EFCAB11: variants seen among roughly 807,000 people sequenced by gnomAD.
EFCAB11 encodes the protein EF-hand calcium-binding domain-containing protein 11.
In EFCAB11, 14 loss-of-function variants were observed where a neutral mutation model predicts 23.0. That is an observed-to-expected ratio of 0.61 (90% CI 0.40 to 0.95). The LOEUF is 0.95. EFCAB11 is among the 40% of genes least tolerant of loss of function. The pLI is 0.00. For missense variants in EFCAB11, 198 were observed against 195.8 expected (o/e 1.01, Z -0.07); for synonymous variants, 65 against 66.6 (o/e 0.98, Z 0.11).
At chr14:89,949,382 G>A (rs530266170) in intron 3 of EFCAB11, among the ~76,000 whole-genome samples, 1 of 151,852 alleles carries the variant, frequency 6.6e-6, no homozygotes, top group Non-Finnish European at 1.5e-5. Flanking sequence ...TATTTATTTG[G>A]AGACAGAGTT....
chr14:89,925,655 T>TTTTTTC (rs1890168597), intron 5 of EFCAB11, among the ~76,000 whole-genome samples: 1 of 150,546 alleles, frequency 6.6e-6, no homozygotes, highest in South Asian at 2.1e-4. Context: ...TTTCTTTTTT[T>TTTTTTC]TTTTTTTTGA....
chr14:89,858,193 G>A (rs552157560), intron 5 of EFCAB11, among the ~76,000 whole-genome samples: 1 of 152,324 alleles, frequency 6.6e-6, no homozygotes, highest in South Asian at 2.1e-4. Context: ...CACTCAAGCT[G>A]CCCTGATGAC....
At chr14:89,895,638 C>G (rs1889128977) in intron 5 of EFCAB11, among the ~76,000 whole-genome samples, 1 of 152,192 alleles carries the variant, frequency 6.6e-6, no homozygotes, top group Non-Finnish European at 1.5e-5. Context: ...ACGCCCTATT[C>G]ATAAATCAAT....
At chr14:89,892,006 C>T in intron 5 of EFCAB11, 2 of 1,516,464 alleles carry the variant, frequency 1.3e-6, no homozygotes, top group Non-Finnish European at 1.8e-6. Flanking sequence ...ACACCGCGGG[C>T]CACGAGCGCT....
chr14:89,939,072 T>C (rs1420059959), intron 3 of EFCAB11, among the ~76,000 whole-genome samples: 1 of 151,846 alleles, frequency 6.6e-6, no homozygotes, highest in Non-Finnish European at 1.5e-5. Context: ...TTTTTTATTA[T>C]ACACATCTCC....
Position 89,862,310 on chromosome 14 carries a change from G to A in EFCAB11, c.411-64986C>T, listed in dbSNP as rs1329240705. On this transcript the variant is annotated intron_variant, in intron 5 of 5. Transcript: ENST00000316738. ...GTAATAATAGAAACAGATACTAAAA[G>A]CATTTTTTTTTATTAGAAAAACCAC... Among the ~76,000 whole-genome samples, 3 of 151,602 alleles carry A rather than the reference G, an allele frequency of 2.0e-5. No homozygotes were observed. In the East Asian group the frequency reaches 5.8e-4, roughly 29 times the overall value.
At chr14:89,797,740 A>G (rs978575820) in intron 5 of EFCAB11, among the ~76,000 whole-genome samples, 1 of 152,128 alleles carries the variant, frequency 6.6e-6, no homozygotes, top group Admixed American at 6.5e-5. Context: ...TAGACCAGCC[A>G]GGCCAACATG....
chr14:89,803,364 G>A (rs2140078392), intron 5 of EFCAB11, among the ~76,000 whole-genome samples: 1 of 152,312 alleles, frequency 6.6e-6, no homozygotes, highest in South Asian at 2.1e-4. Flanking sequence ...CCACTGGAGA[G>A]GCAAACTCTT....
At chr14:89,937,228 G>A (rs948283317) in intron 3 of EFCAB11, among the ~76,000 whole-genome samples, 4 of 152,068 alleles carry the variant, frequency 2.6e-5, no homozygotes, top group Admixed American at 6.5e-5. Flanking sequence ...TCTTTTTTCA[G>A]CTGTAGGAAA....
chr14:89,879,967 A>G (rs1464439594), intron 5 of EFCAB11, among the ~76,000 whole-genome samples: 1 of 152,206 alleles, frequency 6.6e-6, no homozygotes, highest in Non-Finnish European at 1.5e-5. Flanking sequence ...AATGCCAAAT[A>G]TATGTGTGGG....
intron 5 of EFCAB11, among the ~76,000 whole-genome samples, chr14:89,908,231 A>G (rs917905060): frequency 2.0e-5 from 3 of 152,240 alleles, no homozygotes; most frequent in African/African-American, 7.2e-5. Flanking sequence ...ATGAATAAGC[A>G]GTGAGAGCTA....
chr14:89,822,492 A>T (rs1358386950), intron 5 of EFCAB11, among the ~76,000 whole-genome samples: 1 of 152,066 alleles, frequency 6.6e-6, no homozygotes, highest in Non-Finnish European at 1.5e-5. Context: ...TGGTCCTCCC[A>T]CCCCACCCTT....
chr14:89,892,081 A>G, intron 5 of EFCAB11: 7 of 1,543,816 alleles, frequency 4.5e-6, no homozygotes, highest in Non-Finnish European at 6.1e-6. Context: ...TTGATGTGAC[A>G]AACAGGAAGT....
intron 3 of EFCAB11, among the ~76,000 whole-genome samples, chr14:89,933,358 T>G (rs1172716390): frequency 6.6e-6 from 1 of 152,234 alleles, no homozygotes; most frequent in Admixed American, 6.5e-5. Context: ...TGAACTGAGC[T>G]CTACATATAT....
chr14:89,885,503 C>T (rs9671681), intron 5 of EFCAB11, among the ~76,000 whole-genome samples: 127 of 151,842 alleles, frequency 8.4e-4, no homozygotes, highest in African/African-American at 3.0e-3. Flanking sequence ...ATGGTGAAAC[C>T]CCATCTCTAC....
intron 5 of EFCAB11, among the ~76,000 whole-genome samples, chr14:89,920,122 C>G (rs1198605999): frequency 6.6e-6 from 1 of 152,166 alleles, no homozygotes; most frequent in Admixed American, 6.5e-5. Context: ...TGATATAATT[C>G]CATAGGCAAG....
chr14:89,945,189 T>C (rs1277100909), intron 3 of EFCAB11, among the ~76,000 whole-genome samples: 1 of 152,022 alleles, frequency 6.6e-6, no homozygotes, highest in Admixed American at 6.5e-5. Context: ...AATTTTTTCT[T>C]GTTTGTCCTC....
intron 3 of EFCAB11, chr14:89,938,222 C>A (rs1890660355): frequency 6.6e-6 from 1 of 151,994 alleles, no homozygotes; most frequent in Non-Finnish European, 1.5e-5. Context: ...GGACAGTAAG[C>A]CTGGTCCTAG....
intron 5 of EFCAB11, among the ~76,000 whole-genome samples, chr14:89,899,825 T>G (rs1422309022): frequency 6.6e-6 from 1 of 152,212 alleles, no homozygotes; most frequent in Admixed American, 6.5e-5. Context: ...TAACAAGTGC[T>G]GGTGAGTATA....
Sources: allele counts gnomAD v4.1 joint callset (sites outside exome capture counted in the v4.1 genomes callset), GRCh38; gene constraint gnomAD v4.1.1; transcripts MANE v1.5; gene names NCBI Gene and HGNC (gene_info 2026-07-23, HGNC 2026-07-21).